ARID5B: variants seen among roughly 807,000 people sequenced by gnomAD.
ARID5B encodes AT-rich interaction domain 5B.
In ARID5B, 13 loss-of-function variants were observed where a neutral mutation model predicts 97.2. The ratio of observed to expected loss-of-function variants is 0.13; its 90% CI spans 0.09 to 0.21. The LOEUF is 0.21. ARID5B is among the 10% of genes least tolerant of loss of function. ARID5B has a pLI of 1.00. For missense variants in ARID5B, 1,210 were observed against 1,465.3 expected, an observed-to-expected ratio of 0.83 and a Z score of 2.84; for synonymous variants, 556 against 570.3, an observed-to-expected ratio of 0.97 and a Z score of 0.36.
chr10:61,983,896 T>G (rs1489171648), intron 3 of ARID5B, among the ~76,000 whole-genome samples: 1 of 11,040 alleles, frequency 9.1e-5, no homozygotes, highest in African/African-American at 2.0e-4. Context: ...TTTTTTTTTT[T>G]TTGAGACGGA....
intron 2 of ARID5B, among the ~76,000 whole-genome samples, chr10:61,922,122 T>C (rs1844026290): frequency 6.6e-6 from 1 of 152,200 alleles, no homozygotes; most frequent in Non-Finnish European, 1.5e-5. Context: ...CTTTTGAAGA[T>C]TTGTTAGTCT....
chr10:61,942,143 A>T (rs1448017210), intron 3 of ARID5B, among the ~76,000 whole-genome samples: 1 of 152,220 alleles, frequency 6.6e-6, no homozygotes, highest in Non-Finnish European at 1.5e-5. Flanking sequence ...TATTTATAGC[A>T]AGGTTTATGT....
chr10:62,084,656 A>G (rs573998247), intron 8 of ARID5B, among the ~76,000 whole-genome samples: 1 of 152,244 alleles, frequency 6.6e-6, no homozygotes, highest in Non-Finnish European at 1.5e-5. Context: ...TGAAACTGAG[A>G]TTGTAATGCA....
At chr10:61,928,475 A>AT (rs1441707778) in intron 2 of ARID5B, among the ~76,000 whole-genome samples, 2 of 151,708 alleles carry the variant, frequency 1.3e-5, no homozygotes, top group South Asian at 2.1e-4. Flanking sequence ...TCATTTTTGT[A>AT]TTTTTTGTAG....
intron 2 of ARID5B, among the ~76,000 whole-genome samples, chr10:61,929,461 G>T (rs968716110): frequency 6.6e-6 from 1 of 152,162 alleles, no homozygotes; most frequent in Non-Finnish European, 1.5e-5. Context: ...GATAAGAAAA[G>T]TTCATGTTCT....
intron 2 of ARID5B, among the ~76,000 whole-genome samples, chr10:61,916,036 G>A (rs1020539366): frequency 5.9e-5 from 9 of 151,764 alleles, no homozygotes; most frequent in Admixed American, 2.0e-4. Context: ...GATTACAGGC[G>A]TGAGCCACCG....
chr10:61,989,279 G>A (rs915243331), intron 3 of ARID5B, among the ~76,000 whole-genome samples: 1 of 152,020 alleles, frequency 6.6e-6, no homozygotes, highest in African/African-American at 2.4e-5. Context: ...GGATATACTG[G>A]GTTAGATAAA....
intron 4 of ARID5B, among the ~76,000 whole-genome samples, chr10:62,008,093 C>G (rs1051675886): frequency 4.1e-5 from 6 of 145,280 alleles, no homozygotes; most frequent in Non-Finnish European, 6.0e-5. Flanking sequence ...CACACACACA[C>G]ACACACTGCC....
In ARID5B at chr10:61,948,380, ATTTT is replaced by A. The variant is rs71470784; in HGVS notation, c.502+7989_502+7992del. The stretch of plus-strand genomic sequence containing the variant: ...CTTATCTTAGGATACACTTTAGGTA[ATTTT>A]TTTTTTTTTTTTTTTTGAGATGGAG... On this transcript the variant is annotated intron_variant, in intron 3 of 9. Transcript: ENST00000279873. Among the ~76,000 whole-genome samples, 7 of 86,222 alleles carry A rather than the reference ATTTT, an allele frequency of 8.1e-5. No individual in the cohort carries two copies. The East Asian group carries it at 1.1e-3, about 13-fold the overall frequency. The allele number at this position is 86,222 out of a possible 152,430, so 56.6% of individuals were successfully genotyped here.
chr10:62,029,892 G>GT (rs1176890958), intron 4 of ARID5B, among the ~76,000 whole-genome samples: 1 of 152,204 alleles, frequency 6.6e-6, no homozygotes, highest in Non-Finnish European at 1.5e-5. Context: ...CGATGTGGGG[G>GT]TAAGACGTAC....
At chr10:61,911,231 T>C (rs1300350389) in intron 2 of ARID5B, among the ~76,000 whole-genome samples, 1 of 152,214 alleles carries the variant, frequency 6.6e-6, no homozygotes, top group East Asian at 1.9e-4. Context: ...TAAATAAGCA[T>C]AGGAGTGAAT....
chr10:62,046,333 T>C (rs948876265), intron 4 of ARID5B, among the ~76,000 whole-genome samples: 4 of 152,150 alleles, frequency 2.6e-5, no homozygotes, highest in Admixed American at 6.5e-5. Context: ...AGAGTTGGGG[T>C]TGACATAAAA....
intron 4 of ARID5B, among the ~76,000 whole-genome samples, chr10:62,026,370 A>G (rs745447916): frequency 2.6e-5 from 4 of 152,168 alleles, no homozygotes; most frequent in Admixed American, 1.3e-4. Context: ...TTGATTACCA[A>G]CTATGTAATT....
chr10:61,985,339 T>G (rs1259469278), intron 3 of ARID5B, among the ~76,000 whole-genome samples: 3 of 151,942 alleles, frequency 2.0e-5, no homozygotes, highest in South Asian at 2.1e-4. Flanking sequence ...TATACACCCC[T>G]CTTTAAAGAG....
intron 4 of ARID5B, among the ~76,000 whole-genome samples, chr10:62,001,575 C>T (rs189833167): frequency 1.3e-5 from 2 of 152,150 alleles, no homozygotes; most frequent in South Asian, 2.1e-4. Context: ...TTCCAACAGC[C>T]CTGGTGCTGC....
At chr10:61,909,198 C>T (rs1200451829) in intron 2 of ARID5B, among the ~76,000 whole-genome samples, 1 of 151,774 alleles carries the variant, frequency 6.6e-6, no homozygotes, top group African/African-American at 2.4e-5. Context: ...TATCTGTGTT[C>T]TTTTCCTTTA....
chr10:62,037,391 T>G (rs1365801807), intron 4 of ARID5B, among the ~76,000 whole-genome samples: 1 of 152,222 alleles, frequency 6.6e-6, no homozygotes, highest in Non-Finnish European at 1.5e-5. Flanking sequence ...AATTCCAGCC[T>G]CTATGAACAT....
intron 3 of ARID5B, among the ~76,000 whole-genome samples, chr10:61,991,041 T>TGTACACACACAC (rs59216824): frequency 6.9e-6 from 1 of 145,062 alleles, no homozygotes; most frequent in Non-Finnish European, 1.5e-5. Context: ...ATTTATCCTG[T>TGTACACACACAC]ACACACACAC....
Position 62,032,576 on chromosome 10 carries a change from G to A in ARID5B, c.734-18312G>A, listed in dbSNP as rs375895229. 3.3e-3 allele frequency among the ~76,000 whole-genome samples: 498 copies of A among 152,162 alleles called. 2 individuals carry two copies. The Middle Eastern group carries it at 0.044, about 14-fold the overall frequency. Reference sequence around the variant, plus strand: ...CTAAGAATACAAAAATTAGCCGGGCGTGGTGATGGGCGCCTGTAATCCCAG... The same window carrying A: ...CTAAGAATACAAAAATTAGCCGGGCATGGTGATGGGCGCCTGTAATCCCAG... On this transcript the variant is annotated intron_variant, in intron 4 of 9. Transcript: ENST00000279873.
Sources: gnomAD v4.1 joint callset for allele counts (sites outside exome capture counted in the v4.1 genomes callset) on GRCh38, gnomAD v4.1.1 for gene constraint, MANE v1.5 for transcripts, NCBI Gene and HGNC (gene_info 2026-07-23, HGNC 2026-07-21) for gene names.